Variants in RCAN2 observed in about 807,000 individuals in gnomAD.
RCAN2 encodes regulator of calcineurin 2.
A neutral mutation model predicts 23.6 loss-of-function variants in RCAN2; 9 were observed. That is an observed-to-expected ratio of 0.38 (90% CI 0.23 to 0.67). RCAN2 has a LOEUF of 0.67. Among genes scored for constraint, RCAN2 ranks in the 30% least tolerant of loss-of-function variants. The pLI is 0.51. For missense variants in RCAN2, 273 were observed against 302.3 expected (o/e 0.90, Z 0.72); for synonymous variants, 109 against 115.7 (o/e 0.94, Z 0.37).
At position 46,379,220 on chromosome 6, in the gene RCAN2, G is replaced by A. The variant is rs910088347; in HGVS notation, c.225+77532C>T. Among the ~76,000 whole-genome samples, 3 of 152,172 alleles carry A rather than the reference G, an allele frequency of 2.0e-5. No individual in the cohort carries two copies. In the East Asian group the frequency reaches 5.8e-4, roughly 29 times the overall value. On this transcript the variant is annotated intron_variant, in intron 2 of 4. Coordinates refer to ENST00000371374, the MANE Select transcript of RCAN2 (RefSeq NM_001251974.2). ...GGGTACATCAAACCTGCTGGGCCCT[G>A]CAATGTAAGAAACAAAGAGCCTCTT...
intron 1 of RCAN2, among the ~76,000 whole-genome samples, chr6:46,470,140 A>G (rs1488964172): frequency 6.6e-6 from 1 of 152,216 alleles, no homozygotes; most frequent in Non-Finnish European, 1.5e-5. Context: ...AAACAACTTT[A>G]ATGAACTGAA....
chr6:46,413,006 C>T (rs986552164), intron 2 of RCAN2, among the ~76,000 whole-genome samples: 2 of 152,176 alleles, frequency 1.3e-5, no homozygotes, highest in African/African-American at 2.4e-5. Context: ...ACTCTTAATC[C>T]ACTTTCTTCA....
chr6:46,319,610 G>A lies in RCAN2; in HGVS notation c.226-70714C>T, dbSNP rs185784475. Reference sequence around the variant, plus strand: ...AGAAATCTGCCTCTGAACCTTCTCAGGGAGTATCACTTTCATAAAATCATT... The same window carrying A: ...AGAAATCTGCCTCTGAACCTTCTCAAGGAGTATCACTTTCATAAAATCATT... On this transcript the variant is annotated intron_variant, in intron 2 of 4. Transcript: ENST00000371374. Among the ~76,000 whole-genome samples, 356 of 152,280 alleles carry A rather than the reference G, an allele frequency of 2.3e-3. 3 individuals carry two copies. Among genetic ancestry groups the A allele is most frequent in the African/African-American group, 8.3e-3 (347 of 41,562 alleles).
intron 2 of RCAN2, among the ~76,000 whole-genome samples, chr6:46,410,505 G>A (rs966646185): frequency 1.3e-5 from 2 of 152,152 alleles, no homozygotes; most frequent in Non-Finnish European, 2.9e-5. Flanking sequence ...AACAACAAGT[G>A]AAGTATTTGA....
Position 46,221,276 on chromosome 6 carries a change from C to T in RCAN2, c.*1865G>A, listed in dbSNP as rs1369849237. The T allele has an allele frequency of 6.6e-6, 1 of 152,574 alleles. No individual in the cohort carries two copies. The highest frequency in any genetic ancestry group is 1.5e-5 in the Non-Finnish European group (1 of 68,020). 9.5% of individuals were successfully genotyped at this position (152,574 alleles called of 1,614,324 possible). Reference sequence around the variant, plus strand: ...TTCAGGGTAGCTTAAAAAATCAAGTCAAATGACCCACAGATGATTGAGAAG... The same window carrying T: ...TTCAGGGTAGCTTAAAAAATCAAGTTAAATGACCCACAGATGATTGAGAAG... On this transcript the variant is annotated 3_prime_UTR_variant, in exon 5 of 5. Transcript: ENST00000371374.
At chr6:46,254,733 G>A (rs1218914702) in intron 2 of RCAN2, among the ~76,000 whole-genome samples, 2 of 152,136 alleles carry the variant, frequency 1.3e-5, no homozygotes, top group African/African-American at 4.8e-5. Flanking sequence ...CTCAGAACAT[G>A]ACCTTGTTTG....
chr6:46,383,991 C>T (rs969832708), intron 2 of RCAN2, among the ~76,000 whole-genome samples: 7 of 152,158 alleles, frequency 4.6e-5, no homozygotes, highest in African/African-American at 1.2e-4. Context: ...GATACAATAG[C>T]AGGACAAAAG....
intron 2 of RCAN2, among the ~76,000 whole-genome samples, chr6:46,387,417 A>G (rs1765787077): frequency 6.6e-6 from 1 of 152,232 alleles, no homozygotes; most frequent in African/African-American, 2.4e-5. Context: ...AAAAAAACAA[A>G]CAACCCCATC....
At chr6:46,334,727 C>G (rs1281409586) in intron 2 of RCAN2, among the ~76,000 whole-genome samples, 1 of 152,156 alleles carries the variant, frequency 6.6e-6, no homozygotes, top group African/African-American at 2.4e-5. Flanking sequence ...CCACCACTGC[C>G]CAGTTAGCAC....
At chr6:46,477,268 C>T (rs538609336) in intron 1 of RCAN2, among the ~76,000 whole-genome samples, 3 of 152,232 alleles carry the variant, frequency 2.0e-5, no homozygotes, top group Admixed American at 1.3e-4. Context: ...AACAGAAAAG[C>T]AGGGGCAAAA....
At chr6:46,283,253 A>G (rs375989081) in intron 2 of RCAN2, among the ~76,000 whole-genome samples, 22 of 152,260 alleles carry the variant, frequency 1.4e-4, no homozygotes, top group Admixed American at 2.6e-4. Flanking sequence ...GTTCAAAACC[A>G]GCTTGAGCAA....
At chr6:46,352,611 A>G (rs1764698619) in intron 2 of RCAN2, among the ~76,000 whole-genome samples, 1 of 152,150 alleles carries the variant, frequency 6.6e-6, no homozygotes, top group African/African-American at 2.4e-5. Context: ...AATATTAGGT[A>G]GAAAGAATAT....
chr6:46,348,166 T>C lies in RCAN2; in HGVS notation c.226-99270A>G, dbSNP rs182726899. Among the ~76,000 whole-genome samples, 247 of 152,306 alleles carry C rather than the reference T, an allele frequency of 1.6e-3. 1 individual carries two copies. The highest frequency in any genetic ancestry group is 5.6e-3 in the African/African-American group (233 of 41,568). On this transcript the variant is annotated intron_variant, in intron 2 of 4. Transcript: ENST00000371374. The stretch of plus-strand genomic sequence containing the variant: ...ATGTTAAGGAAATTAAATAACCATT[T>C]TGTGGTGTGTCTAAGGTGAGTGAAC...
intron 2 of RCAN2, among the ~76,000 whole-genome samples, chr6:46,349,194 G>A (rs1764575773): frequency 6.6e-6 from 1 of 152,260 alleles, no homozygotes; most frequent in Middle Eastern, 3.4e-3. Flanking sequence ...TCACTAATAA[G>A]AGAAGGAAAA....
At position 46,335,916 on chromosome 6, in the gene RCAN2, T is replaced by G. The variant is rs191581899; in HGVS notation, c.226-87020A>C. ...GGAACTCTGTAAACATTCATAGGAG[T>G]TAATGTATTTAAACTTCACCATAGG... On this transcript the variant is annotated intron_variant, in intron 2 of 4. Coordinates refer to ENST00000371374, the MANE Select transcript of RCAN2 (RefSeq NM_001251974.2). 1.6e-3 allele frequency among the ~76,000 whole-genome samples: 245 copies of G among 152,258 alleles called. 1 individual carries two copies. The highest frequency in any genetic ancestry group is 5.8e-3 in the African/African-American group (242 of 41,550).
chr6:46,467,499 A>G (rs1054846910), intron 1 of RCAN2, among the ~76,000 whole-genome samples: 1 of 152,230 alleles, frequency 6.6e-6, no homozygotes, highest in East Asian at 1.9e-4. Flanking sequence ...TTCTCAACAG[A>G]GCAACCTTCT....
intron 2 of RCAN2, among the ~76,000 whole-genome samples, chr6:46,427,868 C>T (rs1204901377): frequency 1.3e-5 from 2 of 152,220 alleles, no homozygotes; most frequent in Non-Finnish European, 2.9e-5. Flanking sequence ...TGATGAGAGC[C>T]TTGATTTACT....
intron 2 of RCAN2, among the ~76,000 whole-genome samples, chr6:46,384,886 A>C (rs941886154): frequency 2.6e-5 from 4 of 152,176 alleles, no homozygotes; most frequent in African/African-American, 9.7e-5. Context: ...TCACACACTT[A>C]AGATAGTGCA....
chr6:46,230,075 G>A (rs544331318), intron 4 of RCAN2, among the ~76,000 whole-genome samples: 10 of 152,286 alleles, frequency 6.6e-5, no homozygotes, highest in South Asian at 4.1e-4. Context: ...TATCACCAGC[G>A]GAGGCTGCAG....
Sources: gnomAD v4.1 joint callset for allele counts (sites outside exome capture counted in the v4.1 genomes callset) on GRCh38, gnomAD v4.1.1 for gene constraint, MANE v1.5 for transcripts, NCBI Gene and HGNC (gene_info 2026-07-23, HGNC 2026-07-21) for gene names.